The following SEC22B variants were observed in gnomAD, a reference collection of about 807,000 sequenced individuals.
SEC22B encodes vesicle-trafficking protein SEC22b.
A neutral mutation model predicts 31.4 loss-of-function variants in SEC22B; 10 were observed. The ratio of observed to expected loss-of-function variants is 0.32; its 90% CI spans 0.20 to 0.54. The LOEUF (loss-of-function observed/expected upper bound fraction) is 0.54. SEC22B is among the 20% of genes least tolerant of loss of function. The pLI, the probability that SEC22B is intolerant of heterozygous loss-of-function variation, is 0.94. For synonymous variants in SEC22B, 60 were observed against 95.9 expected, an observed-to-expected ratio of 0.63 and a Z score of 2.19; for missense variants, 130 against 263.4, an observed-to-expected ratio of 0.49 and a Z score of 3.50.
Position 120,167,084 on chromosome 1 carries a change from A to G in SEC22B, c.185+1756T>C, listed in dbSNP as rs1657824820. 2.0e-5 allele frequency among the ~76,000 whole-genome samples: 3 copies of G among 150,998 alleles called. No homozygotes were observed. The South Asian group carries it at 6.3e-4, about 32-fold the overall frequency. On this transcript the variant is annotated intron_variant, in intron 2 of 4. Transcript: ENST00000578049. ...ATGATCTCTCAGGCCCCTTAAAATA[A>G]TATTAATAATACAGCTGTCTTATTC...
rs1657969430 is a variant in SEC22B at position 120,176,492 on chromosome 1, CTGCT to C, written c.-115_-112del. 1.1e-6 allele frequency: 1 copy of C among 933,868 alleles called. No individual in the cohort carries two copies. The highest frequency in any genetic ancestry group is 2.2e-5 in the Admixed American group (1 of 45,304). The allele number at this position is 933,868 out of a possible 1,614,324, so 57.8% of individuals were successfully genotyped here. ...TATGTCTCAGTTACCGGAGATCCAG[CTGCT>C]TGCGTCTCCGCTTCCCGCTGAGGTG... On this transcript the variant is annotated 5_prime_UTR_variant, in exon 1 of 5. Coordinates refer to ENST00000578049, the MANE Select transcript of SEC22B (RefSeq NM_004892.6).
rs1553228908 is a variant in SEC22B at position 120,152,817 on chromosome 1, G to A, written c.*4221C>T. 2 of 137,708 alleles carry A rather than the reference G, an allele frequency of 1.5e-5. No homozygotes were observed. Among genetic ancestry groups the A allele is most frequent in the Non-Finnish European group, 3.0e-5 (2 of 67,042 alleles). The allele number at this position is 137,708 out of a possible 1,614,324, so 8.5% of individuals were successfully genotyped here. ...AACGTATCTGTGTCATTATTTAGGA[G>A]TAGTGAAAAGTACTCTTAAATAATA... On this transcript the variant is annotated 3_prime_UTR_variant, in exon 5 of 5. Transcript: ENST00000578049.
At chr1:120,162,615 T>A (rs1242351856) in intron 3 of SEC22B, among the ~76,000 whole-genome samples, 3 of 151,954 alleles carry the variant, frequency 2.0e-5, no homozygotes, top group Admixed American at 1.3e-4. Context: ...TCAGATACTT[T>A]ACCAGGTCTG....
At chr1:120,163,485 T>C in intron 2 of SEC22B, 115 bp from the exon 3 acceptor site, 1 of 557,384 alleles carries the variant, frequency 1.8e-6, no homozygotes. Flanking sequence ...CCTAAATACT[T>C]TGAGGCTGGC....
chr1:120,165,930 C>G (rs1251082885), intron 2 of SEC22B, among the ~76,000 whole-genome samples: 1 of 149,952 alleles, frequency 6.7e-6, no homozygotes, highest in Non-Finnish European at 1.5e-5. Context: ...ATACGAGGAA[C>G]TCAAACAACT....
rs1657528882 is a variant in SEC22B at position 120,151,218 on chromosome 1, T to C, written c.*5820A>G. On this transcript the variant is annotated 3_prime_UTR_variant, in exon 5 of 5. Coordinates refer to ENST00000578049, the MANE Select transcript of SEC22B (RefSeq NM_004892.6). Reference sequence around the variant, plus strand: ...GTGAGCCAAGGCACAAGGTAAAATGTTTGACTGGTTAGAGACGCTAGATTA... The same window carrying C: ...GTGAGCCAAGGCACAAGGTAAAATGCTTGACTGGTTAGAGACGCTAGATTA... The C allele has an allele frequency of 6.6e-6, 1 of 152,032 alleles. No homozygotes were observed. Among genetic ancestry groups the C allele is most frequent in the South Asian group, 2.1e-4 (1 of 4,826 alleles). The allele number at this position is 152,032 out of a possible 1,614,324, so 9.4% of individuals were successfully genotyped here. A position where few individuals can be genotyped will look rare whatever the true frequency, so the allele number is the denominator to read the frequency against.
At position 120,153,153 on chromosome 1, in the gene SEC22B, T is replaced by C. The variant is rs7532284; in HGVS notation, c.*3885A>G. ...CAACGCTGCCTGACAGTAATAAGAA[T>C]AGGATGTGAGATTCAATATGCTCAT... On this transcript the variant is annotated 3_prime_UTR_variant, in exon 5 of 5. Transcript: ENST00000578049. The C allele has an allele frequency of 1.3e-5, 2 of 151,788 alleles. No homozygotes were observed. The highest frequency in any genetic ancestry group is 4.9e-5 in the African/African-American group (2 of 41,184). 9.4% of individuals were successfully genotyped at this position (151,788 alleles called of 1,614,324 possible). A position where few individuals can be genotyped will look rare whatever the true frequency, so the allele number is the denominator to read the frequency against.
chr1:120,161,384 AC>A (rs1657715240), intron 3 of SEC22B, among the ~76,000 whole-genome samples: 1,568 of 151,924 alleles, frequency 0.01, 28 homozygotes, highest in African/African-American at 0.036. Flanking sequence ...TTTCCAAAAT[AC>A]CAATACAAAA....
chr1:120,163,571 C>CTTTTTTTTTGTTTTTTT (rs1657753627), intron 2 of SEC22B, among the ~76,000 whole-genome samples: 1 of 102,604 alleles, frequency 9.7e-6, no homozygotes, highest in African/African-American at 8.1e-5. Flanking sequence ...GATGTATATT[C>CTTTTTTTTTGTTTTTTT]TTTTTTTTTT....
chr1:120,164,675 A>G (rs1322210039), intron 2 of SEC22B, among the ~76,000 whole-genome samples: 5 of 152,220 alleles, frequency 3.3e-5, no homozygotes, highest in Non-Finnish European at 7.3e-5. Flanking sequence ...CACCACTAAC[A>G]TGTACCTAGG....
At position 120,151,119 on chromosome 1, in the gene SEC22B, C is replaced by A. The variant is rs138484262; in HGVS notation, c.*5919G>T. On this transcript the variant is annotated 3_prime_UTR_variant, in exon 5 of 5. Coordinates refer to ENST00000578049, the MANE Select transcript of SEC22B (RefSeq NM_004892.6). Reference sequence around the variant, plus strand: ...TTGGAGGGGCCAAACAACATGCAAACCATAGCAGCAGGTTTAAAGGTAAAA... The same window carrying A: ...TTGGAGGGGCCAAACAACATGCAAAACATAGCAGCAGGTTTAAAGGTAAAA... 1 of 152,068 alleles carries A rather than the reference C, an allele frequency of 6.6e-6. No individual in the cohort carries two copies. The highest frequency in any genetic ancestry group is 1.5e-5 in the Non-Finnish European group (1 of 68,038). The allele number at this position is 152,068 out of a possible 1,614,324, so 9.4% of individuals were successfully genotyped here.
chr1:120,151,497 C>G lies in SEC22B; in HGVS notation c.*5541G>C, dbSNP rs1657537726. 6.6e-6 allele frequency: 1 copy of G among 152,098 alleles called. No homozygotes were observed. Among genetic ancestry groups the G allele is most frequent in the Admixed American group, 6.6e-5 (1 of 15,260 alleles). The allele number at this position is 152,098 out of a possible 1,614,324, so 9.4% of individuals were successfully genotyped here. On this transcript the variant is annotated 3_prime_UTR_variant, in exon 5 of 5. Transcript: ENST00000578049. The stretch of plus-strand genomic sequence containing the variant: ...GGAGTTCAAGACGGTGAAACTCCAT[C>G]TCTACTAAAAATACAAAAATTAGCC...
chr1:120,154,061 CTA>C lies in SEC22B; in HGVS notation c.*2975_*2976del, dbSNP rs1412996180. 5 of 151,734 alleles carry C rather than the reference CTA, an allele frequency of 3.3e-5. No homozygotes were observed. In the East Asian group the frequency reaches 9.7e-4, roughly 29 times the overall value. 9.4% of individuals were successfully genotyped at this position (151,734 alleles called of 1,614,324 possible). A position where few individuals can be genotyped will look rare whatever the true frequency, so the allele number is the denominator to read the frequency against. On this transcript the variant is annotated 3_prime_UTR_variant, in exon 5 of 5. Transcript: ENST00000578049. ...CAGAAAAGCACTTGTGAGAGTAGTT[CTA>C]TGTCTTTACTTCCTAGTGGTTTACA...
chr1:120,160,178 G>A (rs1452273451), intron 4 of SEC22B, among the ~76,000 whole-genome samples: 15 of 148,446 alleles, frequency 1.0e-4, no homozygotes, highest in Non-Finnish European at 2.1e-4. Flanking sequence ...ATATGGATGA[G>A]TCCTTTACAC....
Position 120,176,364 on chromosome 1 carries a change from C to T in SEC22B, c.18G>A (p.Met6Ile). Residue 6 changes from methionine to isoleucine, a missense_variant, in exon 1 of 5, where the codon ATG becomes ATA. Transcript: ENST00000578049. Reference sequence around the variant, plus strand: ...GGAGCCCGTCCGCCACTCGGGCGATCATTGTTAGCAACACCATCTTCACAA... The same window carrying T: ...GGAGCCCGTCCGCCACTCGGGCGATTATTGTTAGCAACACCATCTTCACAA... MVLLT[M>I]IARVADGLPL... The T allele has an allele frequency of 1.9e-6, 3 of 1,613,756 alleles. No homozygotes were observed. Among genetic ancestry groups the T allele is most frequent in the Non-Finnish European group, 2.5e-6 (3 of 1,179,868 alleles).
intron 3 of SEC22B, among the ~76,000 whole-genome samples, chr1:120,162,737 T>C (rs1204503677): frequency 0.013 from 1,975 of 152,326 alleles, 20 homozygotes; most frequent in East Asian, 0.065. Flanking sequence ...GTATCTTCTA[T>C]TTCTTTGTTA....
rs1657567241 is a variant in SEC22B, at chr1:120,152,869, G to C, written c.*4169C>G. 1 of 146,298 alleles carries C rather than the reference G, an allele frequency of 6.8e-6. No homozygotes were observed. The highest frequency in any genetic ancestry group is 6.7e-5 in the Admixed American group (1 of 14,956). The allele number at this position is 146,298 out of a possible 1,614,324, so 9.1% of individuals were successfully genotyped here. A position where few individuals can be genotyped will look rare whatever the true frequency, so the allele number is the denominator to read the frequency against. ...TTTGGTATCTAGCAGGCCTGGATTT[G>C]AATCTACTTTAACTTGCTAGCTATG... On this transcript the variant is annotated 3_prime_UTR_variant, in exon 5 of 5. Transcript: ENST00000578049.
In SEC22B at chr1:120,160,307, A is replaced by G; in HGVS notation, c.493+77T>C. 7 of 1,047,360 alleles carry G rather than the reference A, an allele frequency of 6.7e-6. No individual in the cohort carries two copies. The South Asian group carries it at 1.1e-4, about 17-fold the overall frequency. 64.9% of individuals were successfully genotyped at this position (1,047,360 alleles called of 1,614,324 possible). A position where few individuals can be genotyped will look rare whatever the true frequency, so the allele number is the denominator to read the frequency against. On this transcript the variant is annotated intron_variant, in intron 4 of 4. Transcript: ENST00000578049. The stretch of plus-strand genomic sequence containing the variant: ...GTTCTAGGTAGAATCTAATAGCATA[A>G]AAGGCACTGCAAAATAAGCTATCCT...
chr1:120,166,311 T>G (rs1207173097), intron 2 of SEC22B, among the ~76,000 whole-genome samples: 1 of 149,140 alleles, frequency 6.7e-6, no homozygotes, highest in Non-Finnish European at 1.5e-5. Context: ...CCCCCATGTT[T>G]ACGGCAGCAC....
Sources: gnomAD v4.1 joint callset for allele counts (sites outside exome capture counted in the v4.1 genomes callset) on GRCh38, gnomAD v4.1.1 for gene constraint, MANE v1.5 for transcripts, NCBI Gene and HGNC (gene_info 2026-07-23, HGNC 2026-07-21) for gene names.